CHD6: variants seen among roughly 807,000 people sequenced by gnomAD.
CHD6 encodes the protein ATP-dependent chromatin remodeler CHD6.
In CHD6, 50 loss-of-function variants were observed where a neutral mutation model predicts 276.9. That is an observed-to-expected ratio of 0.18 (90% CI 0.14 to 0.23). The LOEUF is 0.23. CHD6 is among the 10% of genes least tolerant of loss of function. CHD6 has a pLI of 1.00. For synonymous variants in CHD6, 1,173 were observed against 1,229.3 expected, an observed-to-expected ratio of 0.95 and a Z score of 0.96; for missense variants, 2,564 against 3,365.8, an observed-to-expected ratio of 0.76 and a Z score of 5.89.
At chr20:41,485,711 G>T (rs543271772) in intron 14 of CHD6, 2 of 152,054 alleles carry the variant, frequency 1.3e-5, no homozygotes, top group African/African-American at 4.8e-5. Context: ...GGGTAGGGAG[G>T]TATTGTTCAA....
intron 16 of CHD6, 116 bp downstream of exon 16, chr20:41,483,193 C>A (rs909438408): frequency 3.4e-6 from 3 of 883,998 alleles, no homozygotes; most frequent in Non-Finnish European, 5.0e-6. Flanking sequence ...AAGGAGATTC[C>A]TTTCCTCCGT....
At chr20:41,416,956 G>A (rs981897123) in intron 32 of CHD6, among the ~76,000 whole-genome samples, 162 bp from the exon 33 acceptor site, 13 of 152,042 alleles carry the variant, frequency 8.6e-5, no homozygotes, top group South Asian at 2.1e-4. Flanking sequence ...ATCATAGTCT[G>A]GACAATACAA....
intron 17 of CHD6, among the ~76,000 whole-genome samples, chr20:41,461,012 A>T (rs1015224653): frequency 6.6e-6 from 1 of 152,238 alleles, no homozygotes; most frequent in East Asian, 1.9e-4. Flanking sequence ...GACCTGAATG[A>T]GAGACCTGAA....
At chr20:41,529,844 A>G (rs2044637935) in intron 3 of CHD6, among the ~76,000 whole-genome samples, 1 of 152,202 alleles carries the variant, frequency 6.6e-6, no homozygotes, top group African/African-American at 2.4e-5. Context: ...AGGGGGCAAC[A>G]GGAACAATCA....
At chr20:41,613,829 A>T (rs2045911359) in intron 1 of CHD6, among the ~76,000 whole-genome samples, 1 of 152,198 alleles carries the variant, frequency 6.6e-6, no homozygotes, top group Non-Finnish European at 1.5e-5. Context: ...ACGCAGATGC[A>T]AACAAAAATT....
chr20:41,532,402 A>G (rs1340908775), intron 3 of CHD6, among the ~76,000 whole-genome samples: 1 of 152,190 alleles, frequency 6.6e-6, no homozygotes, highest in Non-Finnish European at 1.5e-5. Flanking sequence ...CGGCTCTCTC[A>G]GGCTTCCTGC....
At chr20:41,582,542 T>G (rs375806136) in intron 1 of CHD6, among the ~76,000 whole-genome samples, 1 of 152,132 alleles carries the variant, frequency 6.6e-6, no homozygotes, top group East Asian at 1.9e-4. Context: ...TTAATGTCCA[T>G]CTCAGTCTCT....
intron 36 of CHD6, among the ~76,000 whole-genome samples, chr20:41,405,883 T>G (rs928263488): frequency 9.9e-5 from 15 of 152,056 alleles, no homozygotes; most frequent in Non-Finnish European, 2.9e-5. Context: ...TCCCAACACT[T>G]GCCTTCCTCT....
intron 27 of CHD6, among the ~76,000 whole-genome samples, chr20:41,434,796 C>G (rs2047655667): frequency 6.6e-6 from 1 of 152,186 alleles, no homozygotes; most frequent in Non-Finnish European, 1.5e-5. Context: ...ATATTCTTCT[C>G]TCAACAACTG....
chr20:41,603,708 T>C (rs1437467496), intron 1 of CHD6, among the ~76,000 whole-genome samples: 1 of 151,908 alleles, frequency 6.6e-6, no homozygotes, highest in African/African-American at 2.4e-5. Context: ...TCTACTAAAA[T>C]ACAAAAAAAT....
At chr20:41,605,742 T>C in intron 1 of CHD6, among the ~76,000 whole-genome samples, 1 of 148,784 alleles carries the variant, frequency 6.7e-6, no homozygotes, top group Middle Eastern at 3.4e-3. Context: ...ATTTTAATTT[T>C]AATCAGAACT....
intron 5 of CHD6, among the ~76,000 whole-genome samples, chr20:41,505,746 C>G (rs1233110726): frequency 6.6e-6 from 1 of 152,076 alleles, no homozygotes; most frequent in African/African-American, 2.4e-5. Flanking sequence ...GGTGATCTCA[C>G]TCAGTCTCAG....
chr20:41,567,260 G>T (rs954762990), intron 1 of CHD6, among the ~76,000 whole-genome samples: 17 of 152,178 alleles, frequency 1.1e-4, no homozygotes, highest in Non-Finnish European at 2.2e-4. Flanking sequence ...GCCTTAACCA[G>T]TAAGCACTTA....
chr20:41,496,003 A>G (rs1486014130), intron 8 of CHD6, among the ~76,000 whole-genome samples: 1 of 152,216 alleles, frequency 6.6e-6, no homozygotes, highest in Non-Finnish European at 1.5e-5. Flanking sequence ...CATTCCCACC[A>G]TGACAGTCCT....
chr20:41,549,990 G>A (rs1213449663), intron 2 of CHD6, among the ~76,000 whole-genome samples: 8 of 152,154 alleles, frequency 5.3e-5, no homozygotes, highest in East Asian at 1.9e-4. Flanking sequence ...TAGTAGAGAC[G>A]GGGTTTTGCC....
At chr20:41,567,230 T>A (rs541798886) in intron 1 of CHD6, among the ~76,000 whole-genome samples, 1 of 152,302 alleles carries the variant, frequency 6.6e-6, no homozygotes, top group South Asian at 2.1e-4. Flanking sequence ...CTCCTGCCTG[T>A]AAAGTGGTAA....
At position 41,617,952 on chromosome 20, in the gene CHD6, G is replaced by A. The variant is rs865784438; in HGVS notation, c.-24+388C>T. 1.5e-3 allele frequency among the ~76,000 whole-genome samples: 216 copies of A among 146,690 alleles called. 1 individual carries two copies. The Middle Eastern group carries it at 0.021, about 14-fold the overall frequency. On this transcript the variant is annotated intron_variant, in intron 1 of 36. Transcript: ENST00000373233. ...GGGTCCCACCGCGCCCGCCCCGGGG[G>A]GGGCCTCGGCACGCCCCGCCCCCGC...
rs373846160 is a variant in CHD6 at position 41,405,397 on chromosome 20, G to T, written c.7344C>A (p.Ser2448Arg). The change falls in exon 37 of 37, where the codon AGC (serine) becomes AGA (arginine). Residue 2448 changes from serine to arginine, a missense_variant. Transcript: ENST00000373233. ...CAATGGAAGGAGCCTTCAGGAGTTC[G>T]CTCCGAGGCCGCCTCCCCCTCCTGC... ...GPRRRGRRPR[S>R]ELLKAPSIVA... The T allele has an allele frequency of 5.0e-6, 8 of 1,613,642 alleles. No homozygotes were observed. The highest frequency in any genetic ancestry group is 1.1e-5 in the South Asian group (1 of 91,078).
intron 1 of CHD6, among the ~76,000 whole-genome samples, chr20:41,616,145 T>G (rs1159274516): frequency 2.6e-5 from 4 of 152,240 alleles, no homozygotes; most frequent in Non-Finnish European, 5.9e-5. Context: ...TTTCTCCCAC[T>G]TCACTTCTAA....
Sources: gnomAD v4.1 joint callset for allele counts (sites outside exome capture counted in the v4.1 genomes callset) on GRCh38, gnomAD v4.1.1 for gene constraint, MANE v1.5 for transcripts, NCBI Gene and HGNC (gene_info 2026-07-23, HGNC 2026-07-21) for gene names.